CPNE4: variants seen among roughly 807,000 people sequenced by gnomAD.
CPNE4 encodes copine 4.
In CPNE4, 25 loss-of-function variants were observed where a neutral mutation model predicts 67.9. The observed-to-expected ratio is 0.37, with a 90% CI of 0.27 to 0.51. The LOEUF (loss-of-function observed/expected upper bound fraction) is 0.51, where lower values mean the gene tolerates loss of function less well. CPNE4 is among the 20% of genes least tolerant of loss of function. The pLI is 0.93. For synonymous variants in CPNE4, 242 were observed against 244.9 expected (o/e 0.99, Z 0.11); for missense variants, 464 against 690.8 (o/e 0.67, Z 3.68).
intron 2 of CPNE4, among the ~76,000 whole-genome samples, chr3:131,784,645 A>G (rs562975014): frequency 2.0e-5 from 3 of 152,278 alleles, no homozygotes; most frequent in South Asian, 2.1e-4. Flanking sequence ...AAAAGTCTCC[A>G]GTGGGATTGG....
chr3:131,928,514 C>A (rs991277950), intron 1 of CPNE4, among the ~76,000 whole-genome samples: 1 of 152,130 alleles, frequency 6.6e-6, no homozygotes, highest in South Asian at 2.1e-4. Flanking sequence ...GCAAATCACC[C>A]ATCTGTTACA....
At chr3:131,747,495 TGTAA>T (rs751715022) in intron 2 of CPNE4, among the ~76,000 whole-genome samples, 1 of 152,000 alleles carries the variant, frequency 6.6e-6, no homozygotes, top group African/African-American at 2.4e-5. Flanking sequence ...TTTTAGCAAC[TGTAA>T]GTGTTGGTTT....
intron 2 of CPNE4, among the ~76,000 whole-genome samples, chr3:131,787,706 CA>C (rs1284364418): frequency 1.3e-5 from 2 of 152,100 alleles, no homozygotes; most frequent in African/African-American, 4.8e-5. Flanking sequence ...AGGCAATTAC[CA>C]AGATGTCTGC....
chr3:131,605,423 G>T (rs1195937474), intron 7 of CPNE4, among the ~76,000 whole-genome samples: 1 of 151,922 alleles, frequency 6.6e-6, no homozygotes. Flanking sequence ...AGTGTGTATT[G>T]TTCCCATCTT....
At chr3:131,584,637 A>AAAATT (rs1183475349) in intron 8 of CPNE4, among the ~76,000 whole-genome samples, 4 of 152,180 alleles carry the variant, frequency 2.6e-5, no homozygotes, top group African/African-American at 4.8e-5. Flanking sequence ...AATATTTTAA[A>AAAATT]AAATTAAAAC....
intron 1 of CPNE4, among the ~76,000 whole-genome samples, chr3:131,915,609 G>T (rs1389893333): frequency 1.3e-5 from 2 of 152,140 alleles, no homozygotes; most frequent in African/African-American, 2.4e-5. Flanking sequence ...ATTGTCATAT[G>T]CATTCAAAAT....
chr3:131,622,818 C>T (rs565505507), intron 7 of CPNE4, among the ~76,000 whole-genome samples: 201 of 152,290 alleles, frequency 1.3e-3, no homozygotes, highest in Middle Eastern at 3.4e-3. Context: ...AAGGCCCATA[C>T]TGAAATCAAA....
At chr3:131,907,585 T>C (rs1356179261) in intron 1 of CPNE4, among the ~76,000 whole-genome samples, 1 of 152,064 alleles carries the variant, frequency 6.6e-6, no homozygotes, top group Non-Finnish European at 1.5e-5. Flanking sequence ...TTTATGTATT[T>C]CACACACAAG....
At chr3:131,865,401 C>A (rs540595805) in intron 2 of CPNE4, among the ~76,000 whole-genome samples, 29 of 136,436 alleles carry the variant, frequency 2.1e-4, no homozygotes, top group Non-Finnish European at 4.2e-4. Context: ...TTAAAAATGC[C>A]CTTCACCTCC....
intron 1 of CPNE4, among the ~76,000 whole-genome samples, chr3:131,918,785 G>A (rs957938452): frequency 3.3e-5 from 5 of 152,130 alleles, no homozygotes; most frequent in African/African-American, 1.2e-4. Flanking sequence ...CCAAAAAGGA[G>A]ATATGGTGTA....
chr3:132,000,917 G>A (rs1044671479), intron 1 of CPNE4, among the ~76,000 whole-genome samples: 19 of 150,956 alleles, frequency 1.3e-4, no homozygotes, highest in South Asian at 4.2e-4. Flanking sequence ...ATCGTCAATC[G>A]TGTGGGCTGT....
intron 1 of CPNE4, among the ~76,000 whole-genome samples, chr3:132,009,998 G>A (rs2107675907): frequency 6.6e-6 from 1 of 152,306 alleles, no homozygotes; most frequent in South Asian, 2.1e-4. Flanking sequence ...AACAGATAAG[G>A]AAGTGCCCTC....
chr3:131,962,841 C>T lies in CPNE4; in HGVS notation c.-1-57397G>A, dbSNP rs189471956. Among the ~76,000 whole-genome samples, 32 of 152,182 alleles carry T rather than the reference C, an allele frequency of 2.1e-4. No individual in the cohort carries two copies. The Middle Eastern group carries it at 0.014, about 65-fold the overall frequency. On this transcript the variant is annotated intron_variant, in intron 1 of 15. Coordinates refer to ENST00000429747, the MANE Select transcript of CPNE4 (RefSeq NM_130808.3). The stretch of plus-strand genomic sequence containing the variant: ...AAAAAAAATGTTGTTCTATATTGCC[C>T]TACACCCTGCTTAGAATAATAAATA...
At chr3:131,833,244 A>G (rs761894418) in intron 2 of CPNE4, among the ~76,000 whole-genome samples, 1 of 152,234 alleles carries the variant, frequency 6.6e-6, no homozygotes, top group Non-Finnish European at 1.5e-5. Context: ...CAGCCCAAAT[A>G]GATTAAGACA....
At chr3:131,854,125 A>C (rs1338794672) in intron 2 of CPNE4, among the ~76,000 whole-genome samples, 1 of 151,952 alleles carries the variant, frequency 6.6e-6, no homozygotes, top group Non-Finnish European at 1.5e-5. Context: ...AAAAACCGAT[A>C]ATAGCACAAA....
intron 2 of CPNE4, among the ~76,000 whole-genome samples, chr3:131,726,977 T>C (rs2082015615): frequency 6.6e-6 from 1 of 152,246 alleles, no homozygotes; most frequent in Non-Finnish European, 1.5e-5. Context: ...ATCTTCTCTC[T>C]TCCCTAATCG....
At chr3:131,679,621 C>T (rs9866132) in intron 6 of CPNE4, among the ~76,000 whole-genome samples, 27 of 151,922 alleles carry the variant, frequency 1.8e-4, no homozygotes, top group African/African-American at 5.8e-4. Flanking sequence ...GATTGTGGTA[C>T]GTTGTGTCTT....
chr3:131,956,778 CTT>C (rs2071986829), intron 1 of CPNE4, among the ~76,000 whole-genome samples: 2 of 152,022 alleles, frequency 1.3e-5, no homozygotes, highest in South Asian at 4.1e-4. Context: ...TGAGAAAATA[CTT>C]TGTGTTGGCA....
At chr3:131,783,543 T>C (rs2083477895) in intron 2 of CPNE4, among the ~76,000 whole-genome samples, 1 of 152,120 alleles carries the variant, frequency 6.6e-6, no homozygotes, top group Non-Finnish European at 1.5e-5. Context: ...CTGGCAATGA[T>C]GGAAGCCTTA....
Sources: allele counts gnomAD v4.1 joint callset (sites outside exome capture counted in the v4.1 genomes callset), GRCh38; gene constraint gnomAD v4.1.1; transcripts MANE v1.5; gene names NCBI Gene and HGNC (gene_info 2026-07-23, HGNC 2026-07-21).